The following SMIM13 variants were observed in gnomAD, a reference collection of about 807,000 sequenced individuals.
The protein encoded by SMIM13 is small integral membrane protein 13, also known as UPF0766 protein C6orf228.
In SMIM13, 3 loss-of-function variants were observed where a neutral mutation model predicts 5.9. That is an observed-to-expected ratio of 0.51 (90% CI 0.23 to 1.31). The LOEUF is 1.31. Among genes scored for constraint, SMIM13 ranks in the 40% most tolerant of loss-of-function variants. The probability of loss-of-function intolerance (pLI) is 0.18; values close to 1 mark genes in which losing one functional copy is unlikely to be tolerated. For missense variants in SMIM13, 85 were observed against 109.9 expected (o/e 0.77, Z 1.01); for synonymous variants, 55 against 46.0 (o/e 1.19, Z -0.79).
intron 1 of SMIM13, among the ~76,000 whole-genome samples, chr6:11,130,226 C>CGTAGTAAAAA (rs1758434234): frequency 6.7e-6 from 1 of 149,180 alleles, no homozygotes; most frequent in African/African-American, 2.5e-5. Context: ...CCTTTGTACT[C>CGTAGTAAAAA]CCAACCTATC....
intron 1 of SMIM13, among the ~76,000 whole-genome samples, chr6:11,121,158 TC>T (rs1400482248): frequency 6.6e-6 from 1 of 152,156 alleles, no homozygotes; most frequent in Non-Finnish European, 1.5e-5. Context: ...GACATAAACT[TC>T]CTTTTAAGCT....
chr6:11,116,470 A>G (rs1758241927), intron 1 of SMIM13, among the ~76,000 whole-genome samples: 1 of 152,246 alleles, frequency 6.6e-6, no homozygotes, highest in African/African-American at 2.4e-5. Context: ...AATGTTTGGT[A>G]GAATTCATCT....
intron 1 of SMIM13, among the ~76,000 whole-genome samples, chr6:11,132,118 G>A (rs1214352381): frequency 6.6e-6 from 1 of 152,010 alleles, no homozygotes; most frequent in Non-Finnish European, 1.5e-5. Flanking sequence ...CAAAAGAAAT[G>A]AATAGATATT....
intron 1 of SMIM13, among the ~76,000 whole-genome samples, chr6:11,113,859 G>T (rs928599857): frequency 1.3e-5 from 2 of 151,292 alleles, no homozygotes; most frequent in Admixed American, 1.3e-4. Flanking sequence ...TTACAGGCAT[G>T]AGCCACCGCA....
intron 1 of SMIM13, among the ~76,000 whole-genome samples, chr6:11,101,773 T>A (rs2113640051): frequency 6.7e-6 from 1 of 149,836 alleles, no homozygotes; most frequent in Admixed American, 6.6e-5. Flanking sequence ...CAGAGTCTCA[T>A]CTGTCGCCCA....
Position 11,113,178 on chromosome 6 carries a change from G to A in SMIM13, c.76+18789G>A, listed in dbSNP as rs117982225. On this transcript the variant is annotated intron_variant, in intron 1 of 1. Transcript: ENST00000416247. ...ACATTCAGTTGCAAATCTTGGTGTA[G>A]ACATATGTTTTCATTTCTCTTGAGT... Among the ~76,000 whole-genome samples the A allele has an allele frequency of 3.6e-4, 55 of 152,288 alleles. 1 individual carries two copies. The East Asian group carries it at 8.9e-3, about 25-fold the overall frequency.
intron 1 of SMIM13, among the ~76,000 whole-genome samples, chr6:11,095,907 A>G (rs1342916854): frequency 6.6e-6 from 1 of 152,206 alleles, no homozygotes; most frequent in Non-Finnish European, 1.5e-5. Flanking sequence ...TACCCTTTCT[A>G]GTTTGAAAAT....
intron 1 of SMIM13, among the ~76,000 whole-genome samples, chr6:11,125,913 T>C (rs1362678602): frequency 6.6e-6 from 1 of 152,330 alleles, no homozygotes. Flanking sequence ...AAATAAACTT[T>C]GTACCCTAAT....
intron 1 of SMIM13, among the ~76,000 whole-genome samples, chr6:11,115,686 T>C (rs1282536101): frequency 7.0e-6 from 1 of 143,178 alleles, no homozygotes; most frequent in African/African-American, 2.5e-5. Context: ...TTTTTTCTTT[T>C]CTTTTTTTTT....
chr6:11,114,592 CTTTTTTTTTTTT>C (rs58585640), intron 1 of SMIM13, among the ~76,000 whole-genome samples: 2 of 21,824 alleles, frequency 9.2e-5, no homozygotes, highest in African/African-American at 2.1e-4. Context: ...CACTTTTTCT[CTTTTTTTTTTTT>C]TTTTTTTTTT....
At chr6:11,122,648 C>T (rs904876602) in intron 1 of SMIM13, among the ~76,000 whole-genome samples, 3 of 152,092 alleles carry the variant, frequency 2.0e-5, no homozygotes, top group African/African-American at 7.2e-5. Flanking sequence ...TTCCTCTGCT[C>T]TAGAGGTGGA....
At chr6:11,103,564 G>A (rs1298718264) in intron 1 of SMIM13, 5 of 1,362,800 alleles carry the variant, frequency 3.7e-6, no homozygotes, top group East Asian at 5.0e-5. Flanking sequence ...GTGGGTCTTG[G>A]CCTCTTGCTA....
At chr6:11,108,086 C>T (rs1232494383) in intron 1 of SMIM13, among the ~76,000 whole-genome samples, 4 of 152,110 alleles carry the variant, frequency 2.6e-5, no homozygotes, top group African/African-American at 9.7e-5. Flanking sequence ...AACTGAGCCC[C>T]TAGTCTGAGC....
chr6:11,109,912 A>T (rs1758143005), intron 1 of SMIM13, among the ~76,000 whole-genome samples: 1 of 152,050 alleles, frequency 6.6e-6, no homozygotes, highest in African/African-American at 2.4e-5. Context: ...CTTTTTCCTG[A>T]ACTTACAGCA....
At position 11,138,108 on chromosome 6, in the gene SMIM13, T is replaced by C. The variant is rs1320582571; in HGVS notation, c.*3506T>C. 1 of 152,222 alleles carries C rather than the reference T, an allele frequency of 6.6e-6. No individual in the cohort carries two copies. Among genetic ancestry groups the C allele is most frequent in the African/African-American group, 2.4e-5 (1 of 41,470 alleles). The allele number at this position is 152,222 out of a possible 1,614,324, so 9.4% of individuals were successfully genotyped here. On this transcript the variant is annotated 3_prime_UTR_variant, in exon 2 of 2. Transcript: ENST00000416247. ...TAAAAGTCAGTTTTCTCAAGTAGTA[T>C]GTTGTAACGTAAGATGTAACTGATA...
chr6:11,112,510 C>T (rs920756811), intron 1 of SMIM13, among the ~76,000 whole-genome samples: 23 of 152,166 alleles, frequency 1.5e-4, no homozygotes, highest in African/African-American at 5.6e-4. Flanking sequence ...TCCTTGGCCT[C>T]CCAAAGTGCT....
In SMIM13 at chr6:11,137,620, T is replaced by C. The variant is rs945759613; in HGVS notation, c.*3018T>C. On this transcript the variant is annotated 3_prime_UTR_variant, in exon 2 of 2. Coordinates refer to ENST00000416247, the MANE Select transcript of SMIM13 (RefSeq NM_001135575.2). ...AGATTAATTCTAAAATTGAGGACTC[T>C]GGTAGGTTGTTTTATTTCCTTCCCA... The C allele has an allele frequency of 7.9e-5, 12 of 152,220 alleles. No homozygotes were observed. Among genetic ancestry groups the C allele is most frequent in the African/African-American group, 2.9e-4 (12 of 41,466 alleles). 9.4% of individuals were successfully genotyped at this position (152,220 alleles called of 1,614,324 possible).
At chr6:11,098,034 G>A in intron 1 of SMIM13, among the ~76,000 whole-genome samples, 1 of 151,934 alleles carries the variant, frequency 6.6e-6, no homozygotes, top group Non-Finnish European at 1.5e-5. Flanking sequence ...CTGCTCTTTG[G>A]GCTGGGTCTC....
chr6:11,121,289 C>G (rs1018578815), intron 1 of SMIM13, among the ~76,000 whole-genome samples: 1 of 152,162 alleles, frequency 6.6e-6, no homozygotes, highest in Middle Eastern at 3.2e-3. Context: ...GGACATGGTT[C>G]CAGACCCATG....
Sources: allele counts gnomAD v4.1 joint callset (sites outside exome capture counted in the v4.1 genomes callset), GRCh38; gene constraint gnomAD v4.1.1; transcripts MANE v1.5; gene names NCBI Gene and HGNC (gene_info 2026-07-23, HGNC 2026-07-21).